The following TSPAN12 variants were observed in gnomAD, a reference collection of about 807,000 sequenced individuals.
TSPAN12 encodes tetraspanin 12.
In TSPAN12, 19 loss-of-function variants were observed where a neutral mutation model predicts 39.2. The observed-to-expected ratio is 0.49, with a 90% CI of 0.34 to 0.71. The LOEUF (loss-of-function observed/expected upper bound fraction) is 0.71, where lower values mean the gene tolerates loss of function less well. Among genes scored for constraint, TSPAN12 ranks in the 30% least tolerant of loss-of-function variants. The pLI, the probability that TSPAN12 is intolerant of heterozygous loss-of-function variation, is 0.01. For missense variants in TSPAN12, 314 were observed against 359.9 expected, an observed-to-expected ratio of 0.87 and a Z score of 1.03; for synonymous variants, 119 against 124.8, an observed-to-expected ratio of 0.95 and a Z score of 0.31.
chr7:120,825,958 T>C (rs531682030), intron 4 of TSPAN12, among the ~76,000 whole-genome samples: 1 of 152,280 alleles, frequency 6.6e-6, no homozygotes, highest in African/African-American at 2.4e-5. Flanking sequence ...AAAAATAAAT[T>C]AGAACTATAG....
chr7:120,846,297 T>A (rs538713444), intron 2 of TSPAN12, among the ~76,000 whole-genome samples: 2 of 152,176 alleles, frequency 1.3e-5, no homozygotes, highest in Non-Finnish European at 2.9e-5. Flanking sequence ...TTTTATTTCA[T>A]TATCTAAAAT....
chr7:120,795,943 C>T (rs910537359), intron 7 of TSPAN12, among the ~76,000 whole-genome samples: 1 of 152,188 alleles, frequency 6.6e-6, no homozygotes, highest in Non-Finnish European at 1.5e-5. Context: ...AGAAAAAAGT[C>T]ATCTTATTAT....
chr7:120,815,584 G>C, intron 5 of TSPAN12, 145 bp downstream of exon 5: 1 of 764,490 alleles, frequency 1.3e-6, no homozygotes, highest in Non-Finnish European at 2.2e-6. Context: ...GGCCTCCCCA[G>C]CCATGCTGAA....
intron 2 of TSPAN12, among the ~76,000 whole-genome samples, chr7:120,851,219 A>G (rs1212735172): frequency 6.6e-6 from 1 of 152,220 alleles, no homozygotes; most frequent in Non-Finnish European, 1.5e-5. Flanking sequence ...TTCTGTGTGG[A>G]TCAAACACTT....
intron 2 of TSPAN12, among the ~76,000 whole-genome samples, chr7:120,845,936 T>C (rs10274689): frequency 0.4 from 60,395 of 152,030 alleles, 14,327 homozygotes; most frequent in African/African-American, 0.67. Context: ...CATTCTAGCA[T>C]TGCCATAAAG....
At chr7:120,805,545 T>TTG (rs1471693001) in intron 7 of TSPAN12, among the ~76,000 whole-genome samples, 1 of 152,142 alleles carries the variant, frequency 6.6e-6, no homozygotes, top group Non-Finnish European at 1.5e-5. Flanking sequence ...GAGCAGTGCC[T>TTG]TGTGATACCA....
At chr7:120,800,273 T>C (rs1793741447) in intron 7 of TSPAN12, among the ~76,000 whole-genome samples, 1 of 152,110 alleles carries the variant, frequency 6.6e-6, no homozygotes, top group Non-Finnish European at 1.5e-5. Flanking sequence ...GGTTTACCAC[T>C]GATACAGTTT....
At chr7:120,846,608 A>T (rs1053247145) in intron 2 of TSPAN12, among the ~76,000 whole-genome samples, 2 of 152,192 alleles carry the variant, frequency 1.3e-5, no homozygotes, top group African/African-American at 4.8e-5. Context: ...TCATTCTTCC[A>T]TTCAAAAATC....
chr7:120,838,081 A>G (rs1447869172), intron 4 of TSPAN12, among the ~76,000 whole-genome samples: 1 of 152,238 alleles, frequency 6.6e-6, no homozygotes, highest in Non-Finnish European at 1.5e-5. Flanking sequence ...TATGTCTGCA[A>G]CTATATGTTA....
chr7:120,847,964 C>A (rs1025720617), intron 2 of TSPAN12, among the ~76,000 whole-genome samples: 6 of 152,162 alleles, frequency 3.9e-5, no homozygotes, highest in Admixed American at 6.5e-5. Flanking sequence ...TTTTCTTAAA[C>A]CGTGCTTCCT....
At chr7:120,847,789 C>T (rs982820715) in intron 2 of TSPAN12, among the ~76,000 whole-genome samples, 1 of 152,196 alleles carries the variant, frequency 6.6e-6, no homozygotes, top group Non-Finnish European at 1.5e-5. Flanking sequence ...ATTCACCCTT[C>T]GGTTACTTTT....
intron 4 of TSPAN12, among the ~76,000 whole-genome samples, chr7:120,822,382 C>T (rs891704784): frequency 1.3e-5 from 2 of 151,970 alleles, no homozygotes; most frequent in Non-Finnish European, 2.9e-5. Flanking sequence ...CAACACTTGC[C>T]CTTATCCCTT....
chr7:120,816,183 C>G (rs1474690877), intron 4 of TSPAN12, among the ~76,000 whole-genome samples: 4 of 152,106 alleles, frequency 2.6e-5, no homozygotes, highest in African/African-American at 9.7e-5. Context: ...GCACCATGAG[C>G]AGATTTTAAC....
At chr7:120,829,417 A>G (rs1290217966) in intron 4 of TSPAN12, among the ~76,000 whole-genome samples, 2 of 152,040 alleles carry the variant, frequency 1.3e-5, no homozygotes, top group African/African-American at 4.8e-5. Flanking sequence ...TATTCCATCT[A>G]AAAGCTGCTT....
intron 7 of TSPAN12, among the ~76,000 whole-genome samples, chr7:120,800,774 A>G (rs1221029005): frequency 7.3e-6 from 1 of 137,584 alleles, no homozygotes; most frequent in South Asian, 2.4e-4. Context: ...TTTGAGACAG[A>G]GTCTCACTCT....
chr7:120,823,260 C>T (rs1319743355), intron 4 of TSPAN12, among the ~76,000 whole-genome samples: 1 of 151,826 alleles, frequency 6.6e-6, no homozygotes, highest in Non-Finnish European at 1.5e-5. Context: ...GCAATAGCTT[C>T]AGGAGGCCTA....
intron 2 of TSPAN12, among the ~76,000 whole-genome samples, chr7:120,849,801 C>T (rs983041962): frequency 1.3e-5 from 2 of 152,164 alleles, no homozygotes; most frequent in African/African-American, 4.8e-5. Context: ...TAGCTCATTG[C>T]ACCTGGAACT....
intron 4 of TSPAN12, among the ~76,000 whole-genome samples, chr7:120,826,736 T>C (rs1443993080): frequency 6.6e-6 from 1 of 152,138 alleles, no homozygotes; most frequent in Non-Finnish European, 1.5e-5. Context: ...ATTAAATTTT[T>C]TTTGGAGACA....
At chr7:120,820,768 T>A (rs1323783334) in intron 4 of TSPAN12, among the ~76,000 whole-genome samples, 1 of 152,132 alleles carries the variant, frequency 6.6e-6, no homozygotes, top group East Asian at 1.9e-4. Flanking sequence ...GGAATGTCAG[T>A]GGAAATAATG....
Sources: allele counts gnomAD v4.1 joint callset (sites outside exome capture counted in the v4.1 genomes callset), GRCh38; gene constraint gnomAD v4.1.1; transcripts MANE v1.5; gene names NCBI Gene and HGNC (gene_info 2026-07-23, HGNC 2026-07-21).